Variants in PPP4R1 observed in about 807,000 individuals in gnomAD.
PPP4R1 encodes serine/threonine-protein phosphatase 4 regulatory subunit 1.
A neutral mutation model predicts 111.2 loss-of-function variants in PPP4R1; 42 were observed. That is an observed-to-expected ratio of 0.38 (90% confidence interval 0.29 to 0.49). The LOEUF (loss-of-function observed/expected upper bound fraction) is 0.49. PPP4R1 is among the 20% of genes least tolerant of loss of function. PPP4R1 has a pLI of 0.97. For missense variants in PPP4R1, 1,012 were observed against 1,161.6 expected (o/e 0.87, Z 1.87); for synonymous variants, 409 against 405.5 (o/e 1.01, Z -0.10).
At chr18:9,588,490 C>T (rs1318271203) in intron 5 of PPP4R1, among the ~76,000 whole-genome samples, 3 of 152,086 alleles carry the variant, frequency 2.0e-5, no homozygotes, top group South Asian at 2.1e-4. Flanking sequence ...TTTAAGGGAC[C>T]GCTAGGAGGT....
At chr18:9,588,335 CAT>C in intron 5 of PPP4R1, 100 bp from the exon 6 acceptor site, 1 of 1,267,250 alleles carries the variant, frequency 7.9e-7, no homozygotes, top group Non-Finnish European at 1.1e-6. Context: ...CAAAGGGACC[CAT>C]AACTGGCAAA....
At chr18:9,566,841 C>T (rs987886009) in intron 11 of PPP4R1, among the ~76,000 whole-genome samples, 7 of 152,200 alleles carry the variant, frequency 4.6e-5, no homozygotes, top group African/African-American at 1.7e-4. Context: ...TTTAAGCCCA[C>T]TGTTGAGACC....
chr18:9,590,378 GA>G (rs1300813609), intron 4 of PPP4R1, among the ~76,000 whole-genome samples: 1 of 152,124 alleles, frequency 6.6e-6, no homozygotes, highest in African/African-American at 2.4e-5. Flanking sequence ...TTTCTGTTTT[GA>G]AGAAAAACCT....
At chr18:9,607,577 T>C (rs554746957) in intron 2 of PPP4R1, among the ~76,000 whole-genome samples, 4 of 152,124 alleles carry the variant, frequency 2.6e-5, no homozygotes, top group Non-Finnish European at 5.9e-5. Flanking sequence ...AATGAGCACA[T>C]AAAAAGAGTA....
Position 9,570,053 on chromosome 18 carries a change from A to T in PPP4R1, c.1573+104T>A, listed in dbSNP as rs371948184. 105 of 1,276,888 alleles carry T rather than the reference A, an allele frequency of 8.2e-5. No individual in the cohort carries two copies. The African/African-American group carries it at 1.1e-3, about 14-fold the overall frequency. 79.1% of individuals were successfully genotyped at this position (1,276,888 alleles called of 1,614,324 possible). Reference sequence around the variant, plus strand: ...GTATGAGTCACTGTGCCCAGTCCATAATACATTATTAAATGACAATTTTTT... The same window carrying T: ...GTATGAGTCACTGTGCCCAGTCCATTATACATTATTAAATGACAATTTTTT... On this transcript the variant is annotated intron_variant, in intron 11 of 19. Transcript: ENST00000400556.
At chr18:9,580,505 A>G (rs536374163) in intron 9 of PPP4R1, among the ~76,000 whole-genome samples, 30 of 152,112 alleles carry the variant, frequency 2.0e-4, no homozygotes, top group South Asian at 1.5e-3. Context: ...GCCCGCCACC[A>G]CACCCGGCTA....
chr18:9,588,433 T>C (rs1056106363), intron 5 of PPP4R1, among the ~76,000 whole-genome samples, 198 bp from the exon 6 acceptor site: 1 of 152,198 alleles, frequency 6.6e-6, no homozygotes, highest in African/African-American at 2.4e-5. Context: ...ACAGAGGAAG[T>C]GGACAGAGCC....
At chr18:9,602,524 C>T (rs1306009747) in intron 2 of PPP4R1, among the ~76,000 whole-genome samples, 19 of 146,390 alleles carry the variant, frequency 1.3e-4, no homozygotes, top group Middle Eastern at 3.6e-3. Context: ...CCAGCCTGGG[C>T]GACAGAGCAA....
At chr18:9,569,185 G>A (rs1237139305) in intron 11 of PPP4R1, among the ~76,000 whole-genome samples, 3 of 140,588 alleles carry the variant, frequency 2.1e-5, no homozygotes, top group Non-Finnish European at 3.0e-5. Flanking sequence ...GCGAGACTCC[G>A]TCTCAGAAAA....
Position 9,607,682 on chromosome 18 carries a change from T to C in PPP4R1, c.52+6544A>G, listed in dbSNP as rs559341247. On this transcript the variant is annotated intron_variant, in intron 2 of 19. Coordinates refer to ENST00000400556, the MANE Select transcript of PPP4R1 (RefSeq NM_001042388.3). ...AAATTAAGACTGCTCACACTAAGTGTTGACAATGATGATGAGGACCTGGAA... is the reference window on the plus strand; with the variant it reads ...AAATTAAGACTGCTCACACTAAGTGCTGACAATGATGATGAGGACCTGGAA... Among the ~76,000 whole-genome samples the C allele has an allele frequency of 1.2e-4, 19 of 152,184 alleles. No individual in the cohort carries two copies. The South Asian group carries it at 3.1e-3, about 25-fold the overall frequency.
chr18:9,554,296 T>A (rs1163480632), intron 15 of PPP4R1, among the ~76,000 whole-genome samples: 1 of 151,894 alleles, frequency 6.6e-6, no homozygotes, highest in Admixed American at 6.6e-5. Flanking sequence ...CCCGGCTAAT[T>A]TTTTGTATCT....
At chr18:9,586,977 CT>C (rs1160465935) in intron 6 of PPP4R1, among the ~76,000 whole-genome samples, 7 of 152,116 alleles carry the variant, frequency 4.6e-5, no homozygotes, top group African/African-American at 1.4e-4. Flanking sequence ...TGCGTAATGA[CT>C]TAACAATCTG....
intron 2 of PPP4R1, among the ~76,000 whole-genome samples, chr18:9,611,004 G>A (rs149430994): frequency 4.9e-4 from 75 of 152,016 alleles, no homozygotes; most frequent in Middle Eastern, 3.4e-3. Flanking sequence ...GTACAGAGAC[G>A]GGATTAAAAC....
intron 14 of PPP4R1, among the ~76,000 whole-genome samples, chr18:9,558,391 A>G (rs935366941): frequency 6.6e-6 from 1 of 152,202 alleles, no homozygotes; most frequent in African/African-American, 2.4e-5. Flanking sequence ...AAAGACTGAA[A>G]ACACGAATAC....
At chr18:9,578,001 G>T (rs2066965109) in intron 9 of PPP4R1, among the ~76,000 whole-genome samples, 2 of 152,174 alleles carry the variant, frequency 1.3e-5, no homozygotes, top group Admixed American at 6.5e-5. Context: ...CAAAGATCTT[G>T]AAGCATATAC....
chr18:9,584,689 T>TA (rs754321071), intron 7 of PPP4R1, 32 bp downstream of exon 7: 1 of 1,608,798 alleles, frequency 6.2e-7, no homozygotes. Flanking sequence ...ACTATGTTCT[T>TA]AAACAGCAGA....
chr18:9,597,377 T>C (rs753650842), intron 2 of PPP4R1, among the ~76,000 whole-genome samples: 45 of 152,018 alleles, frequency 3.0e-4, no homozygotes, highest in Non-Finnish European at 1.0e-4. Flanking sequence ...GCAGCTAGAA[T>C]TGGCAGAGGG....
chr18:9,550,605 T>TC (rs2066473727), intron 16 of PPP4R1: 1 of 580,938 alleles, frequency 1.7e-6, no homozygotes, highest in African/African-American at 1.9e-5. Flanking sequence ...TTCAAGTTCC[T>TC]TAGAGTGTAA....
chr18:9,549,461 T>C, intron 18 of PPP4R1, 123 bp from the exon 19 acceptor site: 5 of 1,200,866 alleles, frequency 4.2e-6, no homozygotes, highest in Non-Finnish European at 4.6e-6. Context: ...TTAACCAAAA[T>C]TCCACGTACT....
Sources: allele counts gnomAD v4.1 joint callset (sites outside exome capture counted in the v4.1 genomes callset), GRCh38; gene constraint gnomAD v4.1.1; transcripts MANE v1.5; gene names NCBI Gene and HGNC (gene_info 2026-07-23, HGNC 2026-07-21).